The following NFIB variants were observed in gnomAD, a reference collection of about 807,000 sequenced individuals.
The protein encoded by NFIB is nuclear factor 1 B-type.
In NFIB, 11 loss-of-function variants were observed where a neutral mutation model predicts 61.5. The ratio of observed to expected loss-of-function variants is 0.18; its 90% CI spans 0.11 to 0.30. NFIB has a LOEUF of 0.30. Ranked by LOEUF, NFIB falls within the 10% of genes least tolerant of loss-of-function variation. The pLI, the probability that NFIB is intolerant of heterozygous loss-of-function variation, is 1.00. For missense variants in NFIB, 471 were observed against 608.9 expected (o/e 0.77, Z 2.38); for synonymous variants, 260 against 216.5 (o/e 1.20, Z -1.76).
At position 14,242,537 on chromosome 9, in the gene NFIB, G is replaced by A. The variant is rs570119628; in HGVS notation, c.563-62757C>T. ...TTAGAATTTAATAAAAATTGATTAA[G>A]CATCACAGAGCACAAACAAAGCTGC... On this transcript the variant is annotated intron_variant, in intron 2 of 10. Coordinates refer to ENST00000380953, the MANE Select transcript of NFIB (RefSeq NM_001190737.2). Among the ~76,000 whole-genome samples the A allele has an allele frequency of 1.8e-3, 275 of 152,314 alleles. 4 individuals carry two copies. Among genetic ancestry groups the A allele is most frequent in the Non-Finnish European group, 1.4e-3 (92 of 68,020 alleles).
At chr9:14,526,846 T>G in the NFIB span, among the ~76,000 whole-genome samples, 1 of 152,164 alleles carries the variant, frequency 6.6e-6, no homozygotes, top group South Asian at 2.1e-4. Context: ...ATAACTCTCC[T>G]TGAGAACACG....
intron 2 of NFIB, among the ~76,000 whole-genome samples, chr9:14,225,410 T>A (rs1480978059): frequency 8.2e-6 from 1 of 121,388 alleles, no homozygotes; most frequent in African/African-American, 3.3e-5. Context: ...TGAGCCGAGA[T>A]CCCGCCACTG....
intron 7 of NFIB, among the ~76,000 whole-genome samples, chr9:14,125,388 C>T (rs1423765917): frequency 6.6e-6 from 1 of 152,150 alleles, no homozygotes; most frequent in East Asian, 1.9e-4. Context: ...GAACACCTGA[C>T]CTCGTGATCC....
In NFIB at chr9:14,125,726, T is replaced by C. The variant is rs749508066; in HGVS notation, c.966A>G (p.Pro322=). The change falls in exon 7 of 11, where the codon CCA becomes CCG. Residue 322 remains proline, a synonymous_variant. Coordinates refer to ENST00000380953, the MANE Select transcript of NFIB (RefSeq NM_001190737.2). The part of the protein sequence containing the change: ...SPTTMKKPEK[P]LFSSASPQDS... The stretch of plus-strand genomic sequence containing the variant: ...CCTGTGGAGATGCAGAGCTGAACAA[T>C]GGCTTTTCAGGCTTCTTCATAGTAG... 6.2e-7 allele frequency: 1 copy of C among 1,614,126 alleles called. No individual in the cohort carries two copies. Among genetic ancestry groups the C allele is most frequent in the Admixed American group, 1.7e-5 (1 of 60,024 alleles).
At chr9:14,097,833 G>A (rs2035057134) in intron 10 of NFIB, among the ~76,000 whole-genome samples, 3 of 146,712 alleles carry the variant, frequency 2.0e-5, no homozygotes, top group African/African-American at 7.5e-5. Context: ...TAAAATGAGA[G>A]CTATTACCCC....
chr9:14,189,665 T>C lies in NFIB; in HGVS notation c.563-9885A>G, dbSNP rs552032889. On this transcript the variant is annotated intron_variant, in intron 2 of 10. Transcript: ENST00000380953. ...TTGCAAACGCTGACAACACAGGTAA[T>C]TGAAGGGCTGGGTTAGAGTGCAACT... Among the ~76,000 whole-genome samples the C allele has an allele frequency of 5.3e-5, 8 of 151,176 alleles. 1 individual carries two copies. The South Asian group carries it at 1.3e-3, about 24-fold the overall frequency.
At chr9:14,309,772 T>A (rs560792491) in intron 1 of NFIB, among the ~76,000 whole-genome samples, 5 of 152,330 alleles carry the variant, frequency 3.3e-5, no homozygotes, top group African/African-American at 9.6e-5. Flanking sequence ...AATGTGGACT[T>A]AAATGTGCTT....
chr9:14,380,201 T>A (rs1448554279), intron 1 of NFIB, among the ~76,000 whole-genome samples: 1 of 152,112 alleles, frequency 6.6e-6, no homozygotes, highest in Non-Finnish European at 1.5e-5. Context: ...CCACAAAAAC[T>A]CCCTTTTACC....
At chr9:14,497,550 T>A in the NFIB span, among the ~76,000 whole-genome samples, 2 of 152,124 alleles carry the variant, frequency 1.3e-5, no homozygotes, top group Non-Finnish European at 2.9e-5. Flanking sequence ...GTGTTCATCA[T>A]TGTTTAAGAC....
upstream of NFIB, among the ~76,000 whole-genome samples, chr9:14,403,294 T>A (rs182656182): frequency 1.1e-3 from 162 of 152,280 alleles, no homozygotes; most frequent in African/African-American, 3.8e-3. Flanking sequence ...TAAGAGACGA[T>A]AGGTTTTTGC....
intron 2 of NFIB, among the ~76,000 whole-genome samples, chr9:14,235,474 A>G (rs1426739838): frequency 2.0e-5 from 3 of 152,192 alleles, no homozygotes; most frequent in Non-Finnish European, 2.9e-5. Context: ...CAACTTTGAC[A>G]TATACTATCT....
chr9:14,204,863 G>C, intron 2 of NFIB: 1 of 411,614 alleles, frequency 2.4e-6, no homozygotes, highest in South Asian at 2.4e-5. Context: ...CTTCATACAG[G>C]TTAACTCAGA....
chr9:14,511,296 C>T, the NFIB span, among the ~76,000 whole-genome samples: 1 of 151,488 alleles, frequency 6.6e-6, no homozygotes, highest in Admixed American at 6.6e-5. Flanking sequence ...TTAAATTTTT[C>T]CCATATTTTT....
intron 1 of NFIB, among the ~76,000 whole-genome samples, chr9:14,364,154 T>C (rs762559200): frequency 6.6e-6 from 1 of 152,230 alleles, no homozygotes; most frequent in Non-Finnish European, 1.5e-5. Flanking sequence ...AATAATTTTA[T>C]ACCCATTTAC....
the NFIB span, among the ~76,000 whole-genome samples, chr9:14,434,717 C>T: frequency 6.6e-6 from 1 of 152,166 alleles, no homozygotes; most frequent in African/African-American, 2.4e-5. Flanking sequence ...AGATAAGTTT[C>T]AAGAGGAAAT....
At chr9:14,129,099 G>A (rs1586886633) in intron 6 of NFIB, among the ~76,000 whole-genome samples, 1 of 152,004 alleles carries the variant, frequency 6.6e-6, no homozygotes, top group Non-Finnish European at 1.5e-5. Context: ...AGAAGAAACA[G>A]AATACAATTT....
intron 2 of NFIB, among the ~76,000 whole-genome samples, chr9:14,244,611 T>C (rs1263335886): frequency 6.6e-6 from 1 of 152,170 alleles, no homozygotes; most frequent in African/African-American, 2.4e-5. Context: ...ATATCAAAGT[T>C]CACAAACCAT....
chr9:14,271,750 T>A (rs1276046926), intron 2 of NFIB, among the ~76,000 whole-genome samples: 1 of 152,166 alleles, frequency 6.6e-6, no homozygotes, highest in African/African-American at 2.4e-5. Flanking sequence ...ACTGTAAGGT[T>A]GAATAATAAT....
intron 6 of NFIB, among the ~76,000 whole-genome samples, chr9:14,141,135 A>C (rs921125912): frequency 5.9e-5 from 9 of 152,230 alleles, no homozygotes; most frequent in African/African-American, 2.2e-4. Flanking sequence ...ACTGAAATTT[A>C]GCACAACAGT....
Sources: gnomAD v4.1 joint callset for allele counts (sites outside exome capture counted in the v4.1 genomes callset) on GRCh38, gnomAD v4.1.1 for gene constraint, MANE v1.5 for transcripts, NCBI Gene and HGNC (gene_info 2026-07-23, HGNC 2026-07-21) for gene names.